The following ADORA2B variants were observed in gnomAD, a reference collection of about 807,000 sequenced individuals.
ADORA2B encodes the protein adenosine A2b receptor.
In ADORA2B, 18 loss-of-function variants were observed where a neutral mutation model predicts 20.8. The observed-to-expected ratio is 0.87, with a 90% CI of 0.60 to 1.29. The LOEUF is 1.29. Ranked by LOEUF, ADORA2B falls within the 50% of genes most tolerant of loss-of-function variation. The pLI is 0.00. For synonymous variants in ADORA2B, 179 were observed against 178.3 expected, an observed-to-expected ratio of 1.00 and a Z score of -0.03; for missense variants, 441 against 422.7, an observed-to-expected ratio of 1.04 and a Z score of -0.38.
At chr17:15,967,973 C>G (rs1970142076) in intron 1 of ADORA2B, among the ~76,000 whole-genome samples, 1 of 152,228 alleles carries the variant, frequency 6.6e-6, no homozygotes, top group African/African-American at 2.4e-5. Flanking sequence ...CTTGGCCTCT[C>G]TGTGCGGCTC....
chr17:15,969,056 C>G (rs2151608306), intron 1 of ADORA2B, among the ~76,000 whole-genome samples: 1 of 152,350 alleles, frequency 6.6e-6, no homozygotes, highest in African/African-American at 2.4e-5. Context: ...TGCACTGGCG[C>G]TGTTCTTGTC....
chr17:15,918,078 G>C, the ADORA2B span, among the ~76,000 whole-genome samples: 1 of 152,198 alleles, frequency 6.6e-6, no homozygotes, highest in African/African-American at 2.4e-5. Flanking sequence ...TCTGCGCTCG[G>C]GGTGGCAGCG....
At chr17:15,886,490 G>A in the ADORA2B span, among the ~76,000 whole-genome samples, 1 of 129,824 alleles carries the variant, frequency 7.7e-6, no homozygotes, top group Non-Finnish European at 1.6e-5. Flanking sequence ...AGGTGTCTCC[G>A]GCGTTTCCTT....
At chr17:15,862,538 C>A in the ADORA2B span, among the ~76,000 whole-genome samples, 1 of 152,092 alleles carries the variant, frequency 6.6e-6, no homozygotes, top group African/African-American at 2.4e-5. Context: ...ACTTTGGTGT[C>A]TTACGCTATT....
At chr17:15,966,618 C>T (rs570623444) in intron 1 of ADORA2B, among the ~76,000 whole-genome samples, 4 of 152,196 alleles carry the variant, frequency 2.6e-5, no homozygotes, top group South Asian at 2.1e-4. Flanking sequence ...TGATTCCCTC[C>T]GTGTGACTGT....
chr17:15,961,154 G>A (rs558798548), intron 1 of ADORA2B, among the ~76,000 whole-genome samples: 149 of 111,028 alleles, frequency 1.3e-3, no homozygotes, highest in Middle Eastern at 4.1e-3. Context: ...GCAACAGAGC[G>A]AGACTCTGTC....
the ADORA2B span, among the ~76,000 whole-genome samples, chr17:15,909,554 T>C: frequency 6.8e-6 from 1 of 146,174 alleles, no homozygotes; most frequent in African/African-American, 2.6e-5. Flanking sequence ...TCTTTCATGC[T>C]AAGGAACTCA....
the ADORA2B span, among the ~76,000 whole-genome samples, chr17:15,882,561 A>G: frequency 6.6e-6 from 1 of 152,172 alleles, no homozygotes; most frequent in Non-Finnish European, 1.5e-5. Flanking sequence ...CCTCGGTGAC[A>G]GAGTGAGACC....
chr17:15,909,188 C>T, the ADORA2B span, among the ~76,000 whole-genome samples: 2 of 125,572 alleles, frequency 1.6e-5, no homozygotes, highest in African/African-American at 4.1e-5. Flanking sequence ...AGCGAGACTA[C>T]GTCTCTAAAA....
At chr17:15,974,599 A>C in intron 1 of ADORA2B, 80 bp from the exon 2 acceptor site, 2 of 1,314,488 alleles carry the variant, frequency 1.5e-6, no homozygotes, top group Non-Finnish European at 2.1e-6. Context: ...AGGGTCATGG[A>C]AAAAAGAGGA....
At chr17:15,954,638 G>A (rs1022131077) in intron 1 of ADORA2B, among the ~76,000 whole-genome samples, 2 of 152,096 alleles carry the variant, frequency 1.3e-5, no homozygotes, top group Non-Finnish European at 2.9e-5. Flanking sequence ...GCAATGGCTC[G>A]CACCTGTAAT....
At chr17:15,974,548 A>C (rs1970223898) in intron 1 of ADORA2B, 131 bp from the exon 2 acceptor site, 1 of 748,622 alleles carries the variant, frequency 1.3e-6, no homozygotes, top group Admixed American at 2.7e-5. Flanking sequence ...TTGAGGGTAA[A>C]GGCCTTAGTG....
At chr17:15,946,770 C>T (rs1969812208) in intron 1 of ADORA2B, among the ~76,000 whole-genome samples, 1 of 152,078 alleles carries the variant, frequency 6.6e-6, no homozygotes, top group Admixed American at 6.5e-5. Flanking sequence ...AGAGCCGGGG[C>T]TTGAACTCAC....
chr17:15,909,032 A>G, the ADORA2B span, among the ~76,000 whole-genome samples: 1 of 152,012 alleles, frequency 6.6e-6, no homozygotes, highest in South Asian at 2.1e-4. Flanking sequence ...CTTTATAAAA[A>G]CTTTGCCCTT....
intron 1 of ADORA2B, among the ~76,000 whole-genome samples, chr17:15,949,034 C>G (rs747576225): frequency 6.6e-6 from 1 of 151,446 alleles, no homozygotes; most frequent in African/African-American, 2.4e-5. Flanking sequence ...ATGGTGAAAC[C>G]CTGTCTCTAC....
intron 1 of ADORA2B, among the ~76,000 whole-genome samples, chr17:15,947,250 T>G (rs2151591929): frequency 6.6e-6 from 1 of 152,260 alleles, no homozygotes; most frequent in Non-Finnish European, 1.5e-5. Flanking sequence ...TTTGGATGTT[T>G]TGCATCCAGC....
chr17:15,944,914 T>A (rs560484964), upstream of ADORA2B: 1 of 182,032 alleles, frequency 5.5e-6, no homozygotes, highest in African/African-American at 2.4e-5. The surrounding 1 kb of genome is among the most constrained non-coding windows in gnomAD (Gnocchi z 4.8). Flanking sequence ...TGACGGGAAG[T>A]TGGGGCAATT....
At chr17:15,930,624 A>C in the ADORA2B span, among the ~76,000 whole-genome samples, 1 of 152,172 alleles carries the variant, frequency 6.6e-6, no homozygotes, top group Admixed American at 6.5e-5. Flanking sequence ...CTCATTTGCC[A>C]CATTCAGATC....
At chr17:15,925,364 G>A in the ADORA2B span, among the ~76,000 whole-genome samples, 1 of 151,990 alleles carries the variant, frequency 6.6e-6, no homozygotes, top group Non-Finnish European at 1.5e-5. Context: ...AGAAATGGGG[G>A]TCTCAAACTC....
Sources: gnomAD v4.1 joint callset for allele counts (sites outside exome capture counted in the v4.1 genomes callset) on GRCh38, gnomAD v4.1.1 for gene constraint, Gnocchi (gnomAD v3.1) non-coding constraint, MANE v1.5 for transcripts, NCBI Gene and HGNC (gene_info 2026-07-23, HGNC 2026-07-21) for gene names.